ATPAF1: variants seen among roughly 807,000 people sequenced by gnomAD.
The protein encoded by ATPAF1 is homolog of yeast ATP11.
ATPAF1 carries 26 observed loss-of-function variants against 43.9 expected under a neutral mutation model. That is an observed-to-expected ratio of 0.59 (90% CI 0.43 to 0.82). The LOEUF (loss-of-function observed/expected upper bound fraction) is 0.82. ATPAF1 is among the 40% of genes least tolerant of loss of function. ATPAF1 has a pLI of 0.00. For synonymous variants in ATPAF1, 157 were observed against 168.0 expected, an observed-to-expected ratio of 0.93 and a Z score of 0.50; for missense variants, 366 against 435.0, an observed-to-expected ratio of 0.84 and a Z score of 1.41.
At chr1:46,633,617 G>T (rs2148811497), downstream of ATPAF1, 1 of 407,938 alleles carries the variant, frequency 2.5e-6, no homozygotes, top group African/African-American at 2.1e-5. Flanking sequence ...GATCTTTCTA[G>T]GTAAATAAAT....
chr1:46,665,672 T>C (rs542636303), intron 1 of ATPAF1: 1 of 1,535,672 alleles, frequency 6.5e-7, no homozygotes, highest in East Asian at 2.4e-5. Context: ...AATTTTGAGG[T>C]CATCTTGCTG....
intron 4 of ATPAF1, among the ~76,000 whole-genome samples, chr1:46,657,583 C>A (rs895820091): frequency 1.3e-5 from 2 of 152,092 alleles, no homozygotes; most frequent in Non-Finnish European, 2.9e-5. Flanking sequence ...ATTTAATTAT[C>A]CAAATAACTC....
At chr1:46,658,889 A>G in intron 2 of ATPAF1, 152 bp from the exon 3 acceptor site, 1 of 516,624 alleles carries the variant, frequency 1.9e-6, no homozygotes, top group East Asian at 3.5e-5. Flanking sequence ...AAATTTTAAC[A>G]CTATTTTAAA....
At position 46,668,236 on chromosome 1, in the gene ATPAF1, C is replaced by A; in HGVS notation, c.87G>T (p.Val29=). The change falls in exon 1 of 9, where the codon GTG becomes GTT. Residue 29 remains valine, a synonymous_variant. Coordinates refer to ENST00000574428, the Ensembl canonical transcript of ATPAF1. The surrounding 1 kb of genome is among the most constrained non-coding windows in gnomAD (Gnocchi z 4.4). ...GCCCCAGGCCCAGGGCGCGGCTGCG[C>A]ACCGCGCACAGGCCCCGGTAGAGAC... The A allele has an allele frequency of 7.3e-7, 1 of 1,371,574 alleles. No individual in the cohort carries two copies. The highest frequency in any genetic ancestry group is 9.4e-7 in the Non-Finnish European group (1 of 1,061,012). The allele number at this position is 1,371,574 out of a possible 1,614,324, so 85.0% of individuals were successfully genotyped here.
chr1:46,665,873 A>AC, intron 1 of ATPAF1: 1 of 1,401,816 alleles, frequency 7.1e-7, no homozygotes, highest in Non-Finnish European at 9.2e-7. Context: ...TCCCTAACCT[A>AC]CCCTCCAAAG....
At chr1:46,665,509 A>T in intron 1 of ATPAF1, 145 bp from the exon 2 acceptor site, 4 of 1,175,620 alleles carry the variant, frequency 3.4e-6, no homozygotes, top group Non-Finnish European at 4.8e-6. Flanking sequence ...AGAACTGGGC[A>T]CAGGCCTAGA....
chr1:46,648,907 A>G (rs1393767154), intron 6 of ATPAF1, among the ~76,000 whole-genome samples: 2 of 152,082 alleles, frequency 1.3e-5, no homozygotes, highest in Admixed American at 1.3e-4. Flanking sequence ...TGAACCTGGG[A>G]GGCAGAGATT....
At chr1:46,638,868 G>A (rs1224543461) in intron 8 of ATPAF1, among the ~76,000 whole-genome samples, 2 of 152,106 alleles carry the variant, frequency 1.3e-5, no homozygotes, top group African/African-American at 4.8e-5. Flanking sequence ...ATTTTAACAA[G>A]TTTGATTCCT....
intron 6 of ATPAF1, among the ~76,000 whole-genome samples, chr1:46,645,860 G>A (rs532231599): frequency 4.6e-5 from 7 of 152,172 alleles, no homozygotes; most frequent in African/African-American, 1.2e-4. Context: ...ATGTATATGC[G>A]TATAACTGTA....
intron 2 of ATPAF1, 121 bp downstream of exon 2, chr1:46,665,135 A>C: frequency 2.4e-6 from 2 of 850,624 alleles, no homozygotes; most frequent in Non-Finnish European, 3.8e-6. Context: ...TGGAGTTGGG[A>C]GAGACTATGT....
intron 4 of ATPAF1, among the ~76,000 whole-genome samples, chr1:46,657,519 T>C (rs1194949679): frequency 6.6e-6 from 1 of 152,132 alleles, no homozygotes; most frequent in East Asian, 1.9e-4. Context: ...AAAACATAAA[T>C]ATAGCACTTA....
rs906900330 is a variant in ATPAF1, at chr1:46,645,100, GTT to G, written c.684+59_684+60del. ...TCTGTGTCCTTGAGCCTCAGCAAGG[GTT>G]TCTAGTCCTACCAAGGGGTAGTCCT... On this transcript the variant is annotated intron_variant, in intron 7 of 8. Coordinates refer to ENST00000574428, the Ensembl canonical transcript of ATPAF1. 5.0e-5 allele frequency: 69 copies of G among 1,376,292 alleles called. 1 individual carries two copies. Among genetic ancestry groups the G allele is most frequent in the Non-Finnish European group, 7.0e-5 (68 of 970,574 alleles). The allele number at this position is 1,376,292 out of a possible 1,614,324, so 85.3% of individuals were successfully genotyped here.
Position 46,668,301 on chromosome 1 carries a change from C to T in ATPAF1, c.22G>A (p.Ala8Thr), listed in dbSNP as rs576938692. ...ACCGCCGGTCCCGCGCCACCCGCAG[C>T]CGCCACCACCACAGCAGCCATGGCC... The change falls in exon 1 of 9, where the codon GCT becomes ACT. Residue 8 changes from alanine (A) to threonine (T), a missense_variant. This residue lies in a region of ATPAF1 where 186 missense variants were observed against 168.5 expected (regional missense o/e 1.10). Transcript: ENST00000574428. This position sits in a 1 kb window ranked among gnomAD's most constrained non-coding sequence, Gnocchi z 4.4. The T allele has an allele frequency of 3.6e-5, 50 of 1,378,986 alleles. 1 individual carries two copies. In the South Asian group the frequency reaches 7.4e-4, roughly 20 times the overall value. 85.4% of individuals were successfully genotyped at this position (1,378,986 alleles called of 1,614,324 possible).
At chr1:46,645,817 G>A (rs888752259) in intron 6 of ATPAF1, among the ~76,000 whole-genome samples, 3 of 152,162 alleles carry the variant, frequency 2.0e-5, no homozygotes, top group African/African-American at 7.2e-5. Flanking sequence ...AGCATTTGGT[G>A]TCTATCCTCC....
chr1:46,668,502 T>A, upstream of ATPAF1: 1 of 803,766 alleles, frequency 1.2e-6, no homozygotes, highest in Non-Finnish European at 1.6e-6. This position sits in a 1 kb window ranked among gnomAD's most constrained non-coding sequence, Gnocchi z 4.4. Flanking sequence ...CGCGCCGCTC[T>A]GGCCCCGGCA....
Position 46,654,686 on chromosome 1 carries a change from C to A in ATPAF1, c.490-819G>T, listed in dbSNP as rs1329409236. Among the ~76,000 whole-genome samples, 45 of 151,812 alleles carry A rather than the reference C, an allele frequency of 3.0e-4. 1 individual carries two copies. The highest frequency in any genetic ancestry group is 3.0e-3 in the Admixed American group (45 of 15,234). On this transcript the variant is annotated intron_variant, in intron 4 of 8. Transcript: ENST00000574428. ...AGTATTTCTCCTAATGATATCCCTC[C>A]CCCAGCCCTCCACCCCCTGACAGGC...
chr1:46,659,807 C>T (rs2148825036), intron 2 of ATPAF1, among the ~76,000 whole-genome samples: 1 of 152,210 alleles, frequency 6.6e-6, no homozygotes, highest in South Asian at 2.1e-4. Context: ...TTAATTAATC[C>T]ACACTTTTCA....
intron 2 of ATPAF1, among the ~76,000 whole-genome samples, chr1:46,662,847 A>T (rs1279501991): frequency 1.3e-5 from 2 of 152,134 alleles, no homozygotes; most frequent in East Asian, 3.8e-4. Context: ...TTTGTTACAT[A>T]TCTATACATG....
intron 4 of ATPAF1, among the ~76,000 whole-genome samples, chr1:46,656,722 G>GGGCC (rs145194544): frequency 6.6e-6 from 1 of 152,240 alleles, no homozygotes; most frequent in African/African-American, 2.4e-5. Context: ...CAGGCCTCCT[G>GGGCC]GGCCTGGCTT....
Sources: allele counts gnomAD v4.1 joint callset (sites outside exome capture counted in the v4.1 genomes callset), GRCh38; gene constraint gnomAD v4.1.1; regional missense constraint gnomAD v4.1.1; non-coding constraint Gnocchi (gnomAD v3.1); transcripts MANE v1.5; gene names NCBI Gene and HGNC (gene_info 2026-07-23, HGNC 2026-07-21).